TRIM72: variants seen among roughly 807,000 people sequenced by gnomAD.
TRIM72 encodes tripartite motif-containing protein 72.
A neutral mutation model predicts 31.6 loss-of-function variants in TRIM72; 33 were observed. The ratio of observed to expected loss-of-function variants is 1.04; its 90% CI spans 0.79 to 1.40. The LOEUF (loss-of-function observed/expected upper bound fraction) is 1.40. TRIM72 is among the 40% of genes most tolerant of loss of function. The pLI is 0.00. For synonymous variants in TRIM72, 301 were observed against 314.4 expected (o/e 0.96, Z 0.45); for missense variants, 666 against 682.7 (o/e 0.98, Z 0.27).
rs73532241 is a variant in TRIM72 at position 31,216,697 on chromosome 16, G to T, written c.390+1569G>T. The T allele has an allele frequency of 4.5e-6, 7 of 1,543,036 alleles. No homozygotes were observed. Among genetic ancestry groups the T allele is most frequent in the Non-Finnish European group, 5.3e-6 (6 of 1,139,998 alleles). On this transcript the variant is annotated intron_variant, in intron 2 of 6. Transcript: ENST00000322122. This position sits in a 1 kb window ranked among gnomAD's most constrained non-coding sequence, Gnocchi z 6.7. ...GAAGGCTCTGGGCGGGACCTGACGC[G>T]TGGGTCCTTGGCGAGGAAGCGGGGT... is the stretch of plus-strand genomic sequence containing the variant.
chr16:31,217,268 A>G lies in TRIM72; in HGVS notation c.391-1827A>G, dbSNP rs1006604590. The stretch of plus-strand genomic sequence containing the variant: ...GTTGAGGTGGGGATTGCTGTTCCCA[A>G]TCTGCAGAGGAGGAAACAGGTTGCA... On this transcript the variant is annotated intron_variant, in intron 2 of 6. Transcript: ENST00000322122. The G allele has an allele frequency of 2.0e-5, 11 of 552,954 alleles. No individual in the cohort carries two copies. The Admixed American group carries it at 2.9e-4, about 14-fold the overall frequency. 34.3% of individuals were successfully genotyped at this position (552,954 alleles called of 1,614,324 possible).
chr16:31,219,408 G>A lies in TRIM72; in HGVS notation c.606G>A (p.Gly202=). The change falls in exon 4 of 7, where the codon GGG becomes GGA. Residue 202 remains glycine (G), a synonymous_variant. Transcript: ENST00000322122. This position sits in a 1 kb window ranked among gnomAD's most constrained non-coding sequence, Gnocchi z 4.2. ...REAERVRGEA[G]VALRRELGSL... ...CAGAGCGTGTACGGGGTGAGGCAGGGGTCGCCTTGCGCCGGGAGCTGGGGA... is the reference window on the plus strand; with the variant it reads ...CAGAGCGTGTACGGGGTGAGGCAGGAGTCGCCTTGCGCCGGGAGCTGGGGA... 1.2e-6 allele frequency: 2 copies of A among 1,613,744 alleles called. No individual in the cohort carries two copies. Among genetic ancestry groups the A allele is most frequent in the Non-Finnish European group, 1.7e-6 (2 of 1,179,838 alleles).
Position 31,216,947 on chromosome 16 carries a change from C to T in TRIM72, c.390+1819C>T. 6.2e-7 allele frequency: 1 copy of T among 1,614,192 alleles called. No individual in the cohort carries two copies. Among genetic ancestry groups the T allele is most frequent in the Non-Finnish European group, 8.5e-7 (1 of 1,180,038 alleles). Reference sequence around the variant, plus strand: ...AAGCCCTCGCGCAGCGGCACCGTCCCCAGCTTCATCTTGAACTTCTTGAGC... The same window carrying T: ...AAGCCCTCGCGCAGCGGCACCGTCCTCAGCTTCATCTTGAACTTCTTGAGC... On this transcript the variant is annotated intron_variant, in intron 2 of 6. Transcript: ENST00000322122. This position sits in a 1 kb window ranked among gnomAD's most constrained non-coding sequence, Gnocchi z 6.7.
Position 31,219,377 on chromosome 16 carries a change from G to T in TRIM72, c.575G>T (p.Arg192Leu), listed in dbSNP as rs191800804. 1.9e-6 allele frequency: 3 copies of T among 1,613,996 alleles called. No individual in the cohort carries two copies. The highest frequency in any genetic ancestry group is 2.7e-5 in the African/African-American group (2 of 74,938). The change falls in exon 4 of 7, where the codon CGC (arginine) becomes CTC (leucine). Residue 192 changes from arginine (R) to leucine (L), a missense_variant. Physicochemically the swap from Arg to Leu is moderately radical, Grantham distance 102. Transcript: ENST00000322122. This position sits in a 1 kb window ranked among gnomAD's most constrained non-coding sequence, Gnocchi z 4.2. ...GCTGCACTGGAGGGCTCCTTGGACC[G>T]CGAGGCAGAGCGTGTACGGGGTGAG... is the stretch of plus-strand genomic sequence containing the variant. Reference protein sequence around the residue: ...FLAALEGSLDREAERVRGEAG... With the variant: ...FLAALEGSLDLEAERVRGEAG...
chr16:31,214,978 G>A lies in TRIM72; in HGVS notation c.240G>A (p.Gln80=), dbSNP rs2079500269. 2 of 1,490,588 alleles carry A rather than the reference G, an allele frequency of 1.3e-6. No homozygotes were observed. Among genetic ancestry groups the A allele is most frequent in the Non-Finnish European group, 1.8e-6 (2 of 1,128,426 alleles). 92.3% of individuals were successfully genotyped at this position (1,490,588 alleles called of 1,614,324 possible). Residue 80 remains glutamine, a synonymous_variant, in exon 2 of 7, where the codon CAG becomes CAA. Coordinates refer to ENST00000322122, the MANE Select transcript of TRIM72 (RefSeq NM_001008274.4). ...QLARLVEGLA[Q]VPQGHCEEHL... ...CGCGCCTGGTGGAGGGGCTGGCCCAGGTGCCGCAGGGCCACTGCGAGGAGC... is the reference window on the plus strand; with the variant it reads ...CGCGCCTGGTGGAGGGGCTGGCCCAAGTGCCGCAGGGCCACTGCGAGGAGC...
chr16:31,214,647 GC>G (rs964027848), intron 1 of TRIM72, 84 bp from the exon 2 acceptor site: 1 of 1,348,694 alleles, frequency 7.4e-7, no homozygotes, highest in Admixed American at 3.9e-5. Context: ...GGGGCGGCGG[GC>G]CCGGCCTGGG....
chr16:31,220,521 T>C (rs1043183133), intron 4 of TRIM72, among the ~76,000 whole-genome samples: 2 of 118,292 alleles, frequency 1.7e-5, no homozygotes, highest in Non-Finnish European at 3.2e-5. Flanking sequence ...CAGGCTGGAG[T>C]GCAGTGGCAT....
intron 2 of TRIM72, chr16:31,217,234 C>A: frequency 1.7e-6 from 1 of 586,858 alleles, no homozygotes; most frequent in Non-Finnish European, 3.0e-6. Flanking sequence ...AGAGTGGGGG[C>A]GCCAAATTGT....
At chr16:31,223,023 C>T in intron 6 of TRIM72, 78 bp downstream of exon 6, 2 of 1,103,592 alleles carry the variant, frequency 1.8e-6, no homozygotes, top group Non-Finnish European at 2.7e-6. Context: ...GAGAGGCCTC[C>T]CAGTCCCAAC....
rs1375144559 is a variant in TRIM72, at chr16:31,231,447, C to T, written c.*6692C>T. On this transcript the variant is annotated 3_prime_UTR_variant, in exon 7 of 7. Transcript: ENST00000322122. ...TCGACTTTATGCCAATATTCTTCTT[C>T]TTGATACTGGTGGTGGTGAGAAAGT... 6.6e-6 allele frequency: 1 copy of T among 152,118 alleles called. No individual in the cohort carries two copies. The highest frequency in any genetic ancestry group is 1.5e-5 in the Non-Finnish European group (1 of 68,064). The allele number at this position is 152,118 out of a possible 1,614,324, so 9.4% of individuals were successfully genotyped here.
chr16:31,220,042 C>T (rs1013692624), intron 4 of TRIM72, among the ~76,000 whole-genome samples: 5 of 150,558 alleles, frequency 3.3e-5, no homozygotes, highest in South Asian at 2.1e-4. Flanking sequence ...GGATTACAGG[C>T]GTGAGCCACC....
chr16:31,229,648 T>C lies in TRIM72; in HGVS notation c.*4893T>C, dbSNP rs2079564281. 6.6e-6 allele frequency: 1 copy of C among 152,086 alleles called. No homozygotes were observed. Among genetic ancestry groups the C allele is most frequent in the Non-Finnish European group, 1.5e-5 (1 of 68,010 alleles). The allele number at this position is 152,086 out of a possible 1,614,324, so 9.4% of individuals were successfully genotyped here. A position where few individuals can be genotyped will look rare whatever the true frequency, so the allele number is the denominator to read the frequency against. ...GCACATGTGTTCTAAAGCACCAGCG[T>C]CCCCTCCGTGAGTCCCTCCTCTCCA... On this transcript the variant is annotated 3_prime_UTR_variant, in exon 7 of 7. Transcript: ENST00000322122.
chr16:31,225,649 T>C lies in TRIM72; in HGVS notation c.*894T>C, dbSNP rs1209466910. On this transcript the variant is annotated 3_prime_UTR_variant, in exon 7 of 7. Coordinates refer to ENST00000322122, the MANE Select transcript of TRIM72 (RefSeq NM_001008274.4). ...TCATTTCTTTTTTTTATTTCTTTTT[T>C]TTTTTTTTTTTTTTTTTTTTGAGAC... The C allele has an allele frequency of 4.4e-5, 5 of 113,120 alleles. No homozygotes were observed. Among genetic ancestry groups the C allele is most frequent in the South Asian group, 3.1e-4 (1 of 3,210 alleles). The allele number at this position is 113,120 out of a possible 1,614,324, so 7.0% of individuals were successfully genotyped here. A position where few individuals can be genotyped will look rare whatever the true frequency, so the allele number is the denominator to read the frequency against.
chr16:31,216,697 G>A lies in TRIM72; in HGVS notation c.390+1569G>A, dbSNP rs73532241. ...GAAGGCTCTGGGCGGGACCTGACGC[G>A]TGGGTCCTTGGCGAGGAAGCGGGGT... On this transcript the variant is annotated intron_variant, in intron 2 of 6. Transcript: ENST00000322122. The surrounding 1 kb of genome is among the most constrained non-coding windows in gnomAD (Gnocchi z 6.7). 2.6e-5 allele frequency: 40 copies of A among 1,542,922 alleles called. No homozygotes were observed. Among genetic ancestry groups the A allele is most frequent in the South Asian group, 2.4e-4 (20 of 82,230 alleles).
intron 5 of TRIM72, among the ~76,000 whole-genome samples, chr16:31,221,970 A>G (rs1472563045): frequency 1.3e-5 from 2 of 151,962 alleles, no homozygotes; most frequent in East Asian, 1.9e-4. Flanking sequence ...GGAGAATGGC[A>G]TTGCTGGGAG....
At chr16:31,220,125 C>T (rs576085148) in intron 4 of TRIM72, among the ~76,000 whole-genome samples, 113 of 151,880 alleles carry the variant, frequency 7.4e-4, no homozygotes, top group Admixed American at 3.4e-3. Flanking sequence ...ATGATCATAG[C>T]TCACTGCAGC....
chr16:31,216,972 C>G lies in TRIM72; in HGVS notation c.390+1844C>G. ...CCAGCTTCATCTTGAACTTCTTGAG[C>G]TCCTCCGGTGTCAGGTTCTCCAGCA... On this transcript the variant is annotated intron_variant, in intron 2 of 6. Transcript: ENST00000322122. This position sits in a 1 kb window ranked among gnomAD's most constrained non-coding sequence, Gnocchi z 6.7. The G allele has an allele frequency of 6.2e-7, 1 of 1,614,174 alleles. No homozygotes were observed. Among genetic ancestry groups the G allele is most frequent in the African/African-American group, 1.3e-5 (1 of 75,078 alleles).
At chr16:31,214,679 G>A (rs1279540648) in intron 1 of TRIM72, 53 bp from the exon 2 acceptor site, 2 of 1,436,432 alleles carry the variant, frequency 1.4e-6, no homozygotes, top group Admixed American at 2.7e-5. Flanking sequence ...GCCAGGGCTG[G>A]GCCGGGAGCG....
Position 31,225,638 on chromosome 16 carries a change from T to TA in TRIM72, c.*884dup, listed in dbSNP as rs1376620564. The stretch of plus-strand genomic sequence containing the variant: ...GTCAAAAATGCTCATTTCTTTTTTT[T>TA]ATTTCTTTTTTTTTTTTTTTTTTTT... On this transcript the variant is annotated 3_prime_UTR_variant, in exon 7 of 7. Coordinates refer to ENST00000322122, the MANE Select transcript of TRIM72 (RefSeq NM_001008274.4). The TA allele has an allele frequency of 1.3e-5, 2 of 148,812 alleles. No homozygotes were observed. Among genetic ancestry groups the TA allele is most frequent in the African/African-American group, 5.0e-5 (2 of 39,826 alleles). The allele number at this position is 148,812 out of a possible 1,614,324, so 9.2% of individuals were successfully genotyped here. A position where few individuals can be genotyped will look rare whatever the true frequency, so the allele number is the denominator to read the frequency against.
Sources: allele counts gnomAD v4.1 joint callset (sites outside exome capture counted in the v4.1 genomes callset), GRCh38; gene constraint gnomAD v4.1.1; non-coding constraint Gnocchi (gnomAD v3.1); transcripts MANE v1.5; gene names NCBI Gene and HGNC (gene_info 2026-07-23, HGNC 2026-07-21).